Variants in MINDY4 observed in about 807,000 individuals in gnomAD.
The protein encoded by MINDY4 is MINDY lysine 48 deubiquitinase 4.
MINDY4 carries 68 observed loss-of-function variants against 87.0 expected under a neutral mutation model. The observed-to-expected ratio is 0.78, with a 90% CI of 0.64 to 0.96. The LOEUF (loss-of-function observed/expected upper bound fraction) is 0.96. MINDY4 is among the 40% of genes least tolerant of loss of function. The probability of loss-of-function intolerance (pLI) is 0.00; values close to 1 mark genes in which losing one functional copy is unlikely to be tolerated. For synonymous variants in MINDY4, 379 were observed against 363.2 expected (o/e 1.04, Z -0.50); for missense variants, 919 against 928.2 (o/e 0.99, Z 0.13).
intron 9 of MINDY4, among the ~76,000 whole-genome samples, chr7:30,844,109 G>A (rs1218096585): frequency 6.6e-6 from 1 of 152,164 alleles, no homozygotes; most frequent in Admixed American, 6.5e-5. Flanking sequence ...ACTGGGTGCT[G>A]CTTGTAGCCC....
chr7:30,855,870 C>A (rs1213221640), intron 12 of MINDY4, among the ~76,000 whole-genome samples: 1 of 152,234 alleles, frequency 6.6e-6, no homozygotes, highest in Non-Finnish European at 1.5e-5. Flanking sequence ...GCAGCTCTCC[C>A]CCTGCAGTTT....
intron 5 of MINDY4, among the ~76,000 whole-genome samples, chr7:30,827,775 A>C (rs1320464787): frequency 6.6e-6 from 1 of 152,170 alleles, no homozygotes; most frequent in Non-Finnish European, 1.5e-5. Flanking sequence ...ACGCCCCTTC[A>C]TACATCTTCA....
chr7:30,783,429 A>G (rs1787062491), intron 3 of MINDY4, among the ~76,000 whole-genome samples: 1 of 152,172 alleles, frequency 6.6e-6, no homozygotes, highest in Admixed American at 6.5e-5. Context: ...GCCCACTTAC[A>G]TAGTTAACCA....
intron 7 of MINDY4, among the ~76,000 whole-genome samples, chr7:30,837,791 T>C (rs992005891): frequency 2.6e-5 from 4 of 152,194 alleles, no homozygotes; most frequent in African/African-American, 9.6e-5. Context: ...GCACGTGGCC[T>C]CTGGAAAGCA....
At chr7:30,836,574 C>A in intron 6 of MINDY4, 84 bp from the exon 7 acceptor site, 2 of 1,068,402 alleles carry the variant, frequency 1.9e-6, no homozygotes, top group Non-Finnish European at 2.8e-6. Context: ...ACAAACTTAG[C>A]AATGTCTGTG....
intron 5 of MINDY4, among the ~76,000 whole-genome samples, chr7:30,824,644 GC>G (rs1194421899): frequency 6.6e-6 from 1 of 152,002 alleles, no homozygotes; most frequent in Non-Finnish European, 1.5e-5. Flanking sequence ...CGTGATCATA[GC>G]TCACTGCAGC....
intron 5 of MINDY4, 45 bp from the exon 6 acceptor site, chr7:30,828,634 T>C (rs1788593382): frequency 3.1e-6 from 5 of 1,591,412 alleles, no homozygotes; most frequent in Non-Finnish European, 4.3e-6. Flanking sequence ...CGTTTACATT[T>C]CTCTGTCAGT....
chr7:30,817,248 C>T (rs1326274858), intron 5 of MINDY4, among the ~76,000 whole-genome samples: 2 of 151,956 alleles, frequency 1.3e-5, no homozygotes, highest in African/African-American at 4.8e-5. Flanking sequence ...AACCACAATT[C>T]TGTACTCCAC....
At chr7:30,844,774 G>T (rs989390462) in intron 9 of MINDY4, among the ~76,000 whole-genome samples, 2 of 152,222 alleles carry the variant, frequency 1.3e-5, no homozygotes, top group African/African-American at 4.8e-5. Context: ...GGGTGCTGAA[G>T]AGGGTACCAG....
chr7:30,781,778 G>A (rs768617542), intron 2 of MINDY4, 199 bp from the exon 3 acceptor site: 6 of 554,794 alleles, frequency 1.1e-5, no homozygotes, highest in Non-Finnish European at 1.6e-5. Flanking sequence ...TTAGGGTAGA[G>A]ATTTTGTTTT....
intron 5 of MINDY4, among the ~76,000 whole-genome samples, chr7:30,808,771 G>T (rs1233691120): frequency 1.3e-5 from 2 of 152,130 alleles, no homozygotes; most frequent in Non-Finnish European, 2.9e-5. Flanking sequence ...ACCAGTTCCT[G>T]TACATAGACA....
At chr7:30,799,635 G>A (rs976491054) in intron 5 of MINDY4, among the ~76,000 whole-genome samples, 4 of 152,194 alleles carry the variant, frequency 2.6e-5, no homozygotes, top group Admixed American at 6.5e-5. Flanking sequence ...CATCATCTGG[G>A]AACTTTTTAG....
Position 30,829,803 on chromosome 7 carries a change from C to T in MINDY4, c.1132+1066C>T, listed in dbSNP as rs78960454. ...TGCACCACTGCACTTTAAGATTTTG[C>T]AGTGAAAGCTGCTTGTGTTTGGACA... On this transcript the variant is annotated intron_variant, in intron 6 of 17. Coordinates refer to ENST00000265299, the MANE Select transcript of MINDY4 (RefSeq NM_032222.3). Among the ~76,000 whole-genome samples the T allele has an allele frequency of 5.9e-4, 90 of 152,278 alleles. No individual in the cohort carries two copies. The East Asian group carries it at 0.017, about 28-fold the overall frequency.
At chr7:30,816,553 C>G (rs1186534200) in intron 5 of MINDY4, among the ~76,000 whole-genome samples, 4 of 152,154 alleles carry the variant, frequency 2.6e-5, no homozygotes, top group African/African-American at 9.7e-5. Context: ...AGCCGAACAG[C>G]CTGGGCCCGA....
intron 6 of MINDY4, among the ~76,000 whole-genome samples, chr7:30,832,601 C>T (rs149943780): frequency 1.1e-3 from 166 of 152,254 alleles, no homozygotes; most frequent in African/African-American, 3.8e-3. Flanking sequence ...CCTCTGTTTC[C>T]TGGGTTCAAG....
intron 13 of MINDY4, among the ~76,000 whole-genome samples, chr7:30,870,180 C>T (rs978380550): frequency 6.6e-6 from 1 of 152,274 alleles, no homozygotes; most frequent in Admixed American, 6.5e-5. Context: ...TTCTGCCTGT[C>T]CCCCTGCTCC....
At chr7:30,831,367 G>A (rs996046709) in intron 6 of MINDY4, among the ~76,000 whole-genome samples, 12 of 152,136 alleles carry the variant, frequency 7.9e-5, no homozygotes, top group Non-Finnish European at 1.2e-4. Flanking sequence ...TGAATGAAGG[G>A]GTGGGGCCTT....
At chr7:30,815,264 C>A (rs1025875348) in intron 5 of MINDY4, among the ~76,000 whole-genome samples, 2 of 152,240 alleles carry the variant, frequency 1.3e-5, no homozygotes, top group African/African-American at 4.8e-5. Context: ...CTCCCTGGGA[C>A]AGGGCCAAGG....
intron 4 of MINDY4, 67 bp downstream of exon 4, chr7:30,786,059 G>T: frequency 2.5e-6 from 4 of 1,586,676 alleles, no homozygotes; most frequent in Non-Finnish European, 3.4e-6. Context: ...CTTAAGGCAC[G>T]CCTGGGTTTA....
Sources: allele counts gnomAD v4.1 joint callset (sites outside exome capture counted in the v4.1 genomes callset), GRCh38; gene constraint gnomAD v4.1.1; transcripts MANE v1.5; gene names NCBI Gene and HGNC (gene_info 2026-07-23, HGNC 2026-07-21).